The following USP14 variants were observed in gnomAD, a reference collection of about 807,000 sequenced individuals.
USP14 encodes ubiquitin carboxyl-terminal hydrolase 14.
In USP14, 38 loss-of-function variants were observed where a neutral mutation model predicts 76.5. The observed-to-expected ratio is 0.50, with a 90% CI of 0.38 to 0.65. The LOEUF (loss-of-function observed/expected upper bound fraction) is 0.65. USP14 is among the 30% of genes least tolerant of loss of function. The pLI is 0.00. For missense variants in USP14, 467 were observed against 586.5 expected, an observed-to-expected ratio of 0.80 and a Z score of 2.10; for synonymous variants, 192 against 191.7, an observed-to-expected ratio of 1.00 and a Z score of -0.01.
At chr18:159,122 G>A (rs1909042127) in intron 1 of USP14, 1 of 180,954 alleles carries the variant, frequency 5.5e-6, no homozygotes, top group Non-Finnish European at 1.1e-5. Flanking sequence ...GGGAGGGATG[G>A]AGCGACCCTT....
chr18:171,924 T>A (rs903062840), intron 3 of USP14, among the ~76,000 whole-genome samples: 3 of 152,090 alleles, frequency 2.0e-5, no homozygotes, highest in African/African-American at 7.2e-5. Flanking sequence ...CAACTGCACA[T>A]GTGGTGTAAA....
chr18:171,023 AAAATAT>A (rs1475313127), intron 3 of USP14, among the ~76,000 whole-genome samples: 53 of 46,818 alleles, frequency 1.1e-3, no homozygotes, highest in East Asian at 4.5e-3. Flanking sequence ...AAAAAAAAAA[AAAATAT>A]ATATATATAT....
intron 6 of USP14, among the ~76,000 whole-genome samples, chr18:196,333 A>G (rs562726617): frequency 3.0e-3 from 459 of 151,580 alleles, no homozygotes; most frequent in Non-Finnish European, 5.1e-3. Flanking sequence ...CCTGGCCAGC[A>G]TGGTGAAACC....
chr18:160,947 G>A (rs1169919779), intron 1 of USP14, among the ~76,000 whole-genome samples: 1 of 151,572 alleles, frequency 6.6e-6, no homozygotes, highest in Non-Finnish European at 1.5e-5. Context: ...TATTTTTTGA[G>A]ACCAAGTTTT....
chr18:160,671 A>G (rs2144202624), intron 1 of USP14, among the ~76,000 whole-genome samples: 1 of 152,392 alleles, frequency 6.6e-6, no homozygotes, highest in South Asian at 2.1e-4. Context: ...TCATGGCAAT[A>G]GCACAATAAA....
At chr18:205,402 G>A (rs61110804) in intron 13 of USP14, among the ~76,000 whole-genome samples, 288 of 152,212 alleles carry the variant, frequency 1.9e-3, no homozygotes, top group African/African-American at 4.8e-3. Flanking sequence ...TATTGCCACA[G>A]GGCCACTTTT....
chr18:180,858 A>G (rs952056013), intron 5 of USP14, among the ~76,000 whole-genome samples: 1 of 151,156 alleles, frequency 6.6e-6, no homozygotes, highest in Admixed American at 6.6e-5. Context: ...TTCATGGTTC[A>G]TTCACGTTAC....
intron 13 of USP14, among the ~76,000 whole-genome samples, chr18:209,066 A>G (rs1051207237): frequency 2.1e-4 from 32 of 151,412 alleles, no homozygotes; most frequent in African/African-American, 6.6e-4. Flanking sequence ...GACTATTTAC[A>G]TTTAGTGCAA....
At chr18:171,193 G>A (rs1372827705) in intron 3 of USP14, among the ~76,000 whole-genome samples, 8 of 151,748 alleles carry the variant, frequency 5.3e-5, no homozygotes, top group African/African-American at 1.7e-4. Flanking sequence ...TAAGATTGTT[G>A]ATGAAGGTAG....
At chr18:164,140 G>T (rs1253820983) in intron 2 of USP14, among the ~76,000 whole-genome samples, 1 of 152,098 alleles carries the variant, frequency 6.6e-6, no homozygotes, top group Non-Finnish European at 1.5e-5. Context: ...TCTGTATTGT[G>T]TGAATTTTTT....
rs1169819199 is a variant in USP14 at position 214,601 on chromosome 18, T to C, written c.*3317T>C. 1.9e-6 allele frequency: 3 copies of C among 1,575,306 alleles called. No homozygotes were observed. The highest frequency in any genetic ancestry group is 2.6e-6 in the Non-Finnish European group (3 of 1,159,886). On this transcript the variant is annotated 3_prime_UTR_variant, in exon 16 of 16. Transcript: ENST00000261601. ...CTTGGTAACAAAATCTATCACAGTTTTAATAAAAAGAAAAAAAAAAGAAGC... is the reference window on the plus strand; with the variant it reads ...CTTGGTAACAAAATCTATCACAGTTCTAATAAAAAGAAAAAAAAAAGAAGC...
chr18:203,983 G>T (rs999489609), intron 12 of USP14, among the ~76,000 whole-genome samples: 3 of 152,054 alleles, frequency 2.0e-5, no homozygotes, highest in African/African-American at 4.8e-5. Flanking sequence ...TTGAGTTGTA[G>T]TTCTGCTACA....
intron 5 of USP14, among the ~76,000 whole-genome samples, chr18:186,667 C>T (rs1478342095): frequency 3.3e-5 from 5 of 150,738 alleles, no homozygotes; most frequent in Admixed American, 6.6e-5. Flanking sequence ...GCAGGTGGGT[C>T]GCTTGAACCC....
intron 13 of USP14, 32 bp downstream of exon 13, chr18:204,724 A>T: frequency 6.3e-7 from 1 of 1,598,836 alleles, no homozygotes; most frequent in Non-Finnish European, 8.5e-7. Flanking sequence ...TATACTCTTA[A>T]TATCTTAATC....
At chr18:204,811 A>T in intron 13 of USP14, 119 bp downstream of exon 13, 14 of 945,188 alleles carry the variant, frequency 1.5e-5, no homozygotes, top group Non-Finnish European at 1.9e-5. Context: ...TTTGTATAGT[A>T]TTATTTGGAT....
At chr18:179,570 A>G (rs1380996608) in intron 4 of USP14, among the ~76,000 whole-genome samples, 2 of 131,434 alleles carry the variant, frequency 1.5e-5, no homozygotes, top group Non-Finnish European at 3.3e-5. Context: ...ATTCATTTTC[A>G]TGGTTTTTTT....
chr18:192,176 T>G (rs1420837267), intron 5 of USP14, among the ~76,000 whole-genome samples: 4 of 152,238 alleles, frequency 2.6e-5, no homozygotes, highest in Non-Finnish European at 5.9e-5. Context: ...ATGTTTTTGA[T>G]CTAATGCTTA....
At chr18:204,816 T>TAAAAA (rs57035428) in intron 13 of USP14, 124 bp downstream of exon 13, 737,725 of 1,133,272 alleles carry the variant, frequency 0.65, 241,784 homozygotes, top group South Asian at 0.76. Flanking sequence ...ATAGTATTAT[T>TAAAAA]TGGATCAATC....
chr18:208,232 G>A (rs1910580181), intron 13 of USP14, among the ~76,000 whole-genome samples: 1 of 151,530 alleles, frequency 6.6e-6, no homozygotes, highest in African/African-American at 2.4e-5. Context: ...GTTTGTTTTT[G>A]TAAATTGTTT....
Sources: gnomAD v4.1 joint callset for allele counts (sites outside exome capture counted in the v4.1 genomes callset) on GRCh38, gnomAD v4.1.1 for gene constraint, MANE v1.5 for transcripts, NCBI Gene and HGNC (gene_info 2026-07-23, HGNC 2026-07-21) for gene names.